Variants in WWC2 observed in about 807,000 individuals in gnomAD.
The protein encoded by WWC2 is protein WWC2.
In WWC2, 101 loss-of-function variants were observed where a neutral mutation model predicts 138.5. The observed-to-expected ratio is 0.73, with a 90% CI of 0.62 to 0.86. WWC2 has a LOEUF of 0.86. Ranked by LOEUF, WWC2 falls within the 40% of genes least tolerant of loss-of-function variation. The pLI, the probability that WWC2 is intolerant of heterozygous loss-of-function variation, is 0.00. For missense variants in WWC2, 1,420 were observed against 1,419.4 expected, an observed-to-expected ratio of 1.00 and a Z score of -0.01; for synonymous variants, 558 against 538.4, an observed-to-expected ratio of 1.04 and a Z score of -0.50.
chr4:183,269,070 G>C lies in WWC2; in HGVS notation c.2307G>C (p.Val769=). 1 of 1,613,928 alleles carries C rather than the reference G, an allele frequency of 6.2e-7. No homozygotes were observed. Among genetic ancestry groups the C allele is most frequent in the Non-Finnish European group, 8.5e-7 (1 of 1,179,884 alleles). The change falls in exon 15 of 23, where the codon GTG becomes GTC. Residue 769 remains valine (V), a synonymous_variant. Coordinates refer to ENST00000403733, the MANE Select transcript of WWC2 (RefSeq NM_024949.6). ...CAGAATCCATTTTATTCAATGATGT[G>C]TTCAGAGTCGCCATTTCCCAAACAG... ...PPTESILFND[V]FRVAISQTAL... is the part of the protein sequence containing the mutation.
intron 16 of WWC2, among the ~76,000 whole-genome samples, chr4:183,276,583 C>G (rs1193292856): frequency 6.6e-6 from 1 of 152,086 alleles, no homozygotes; most frequent in Non-Finnish European, 1.5e-5. Flanking sequence ...TATTCCCTTT[C>G]CTCCTTCTCT....
intron 1 of WWC2, among the ~76,000 whole-genome samples, chr4:183,101,430 G>C (rs1743177654): frequency 6.6e-6 from 1 of 152,174 alleles, no homozygotes; most frequent in African/African-American, 2.4e-5. Context: ...TCATTGGATA[G>C]GGACAAATAG....
chr4:183,182,556 G>A (rs1244084385), intron 1 of WWC2, among the ~76,000 whole-genome samples: 1 of 152,138 alleles, frequency 6.6e-6, no homozygotes, highest in Non-Finnish European at 1.5e-5. Flanking sequence ...AGAAAAAGAG[G>A]TTCAGGTTAA....
chr4:183,179,064 A>G (rs1170653734), intron 1 of WWC2, among the ~76,000 whole-genome samples: 3 of 152,246 alleles, frequency 2.0e-5, no homozygotes, highest in Admixed American at 2.0e-4. Flanking sequence ...CAAAATTTAA[A>G]AAAACTTACT....
intron 4 of WWC2, among the ~76,000 whole-genome samples, chr4:183,237,304 T>C (rs1180002530): frequency 5.3e-5 from 8 of 152,196 alleles, no homozygotes; most frequent in Non-Finnish European, 1.2e-4. Flanking sequence ...ACTGATTTTT[T>C]TTTTTTTTCA....
chr4:183,302,918 G>A (rs961482651), intron 21 of WWC2, among the ~76,000 whole-genome samples: 5 of 152,116 alleles, frequency 3.3e-5, no homozygotes, highest in Admixed American at 6.5e-5. Flanking sequence ...GTAAAAATTA[G>A]CTGGGCATGA....
chr4:183,121,832 C>T (rs557452471), intron 1 of WWC2, among the ~76,000 whole-genome samples: 23 of 146,584 alleles, frequency 1.6e-4, no homozygotes, highest in Non-Finnish European at 2.4e-4. Flanking sequence ...GTTGCCCAGG[C>T]TGGAGTGCGG....
Position 183,099,564 on chromosome 4 carries a change from A to G in WWC2, c.73A>G (p.Lys25Glu). 1.4e-6 allele frequency: 2 copies of G among 1,422,398 alleles called. No homozygotes were observed. The highest frequency in any genetic ancestry group is 1.9e-6 in the Non-Finnish European group (2 of 1,072,054). The allele number at this position is 1,422,398 out of a possible 1,614,324, so 88.1% of individuals were successfully genotyped here. A position where few individuals can be genotyped will look rare whatever the true frequency, so the allele number is the denominator to read the frequency against. Residue 25 changes from lysine to glutamate, a missense_variant, in exon 1 of 23, where the codon AAG becomes GAG. Transcript: ENST00000403733. ...GGAGGAGGCCAGGGACTACGACGGC[A>G]AGGTCTTCTACATTGACCACAACAC... ...GWEEARDYDG[K>E]VFYIDHNTRR...
chr4:183,183,765 A>G (rs1277035242), intron 1 of WWC2, among the ~76,000 whole-genome samples: 1 of 152,118 alleles, frequency 6.6e-6, no homozygotes, highest in Non-Finnish European at 1.5e-5. Flanking sequence ...CCTGGATGTC[A>G]GAGTGAGACC....
In WWC2 at chr4:183,271,214, C is replaced by T. The variant is rs761732317; in HGVS notation, c.2535C>T (p.Asn845=). The change falls in exon 16 of 23, where the codon AAC becomes AAT. Residue 845 remains asparagine, a synonymous_variant. Transcript: ENST00000403733. ...EENEDSVFQP[N]QPLVDSIDLD... ...ATGAGGACTCTGTATTTCAACCAAA[C>T]CAGCCGTTAGTAGATTCTATAGACT... The T allele has an allele frequency of 3.7e-6, 6 of 1,611,904 alleles. No individual in the cohort carries two copies. Among genetic ancestry groups the T allele is most frequent in the Non-Finnish European group, 5.1e-6 (6 of 1,179,178 alleles).
At chr4:183,196,295 A>G (rs1033169784) in intron 2 of WWC2, among the ~76,000 whole-genome samples, 45 of 152,274 alleles carry the variant, frequency 3.0e-4, no homozygotes, top group South Asian at 6.2e-4. Flanking sequence ...TCAAATCCAA[A>G]CAACACTGTA....
chr4:183,128,939 C>T (rs1352726324), intron 1 of WWC2, among the ~76,000 whole-genome samples: 1 of 152,128 alleles, frequency 6.6e-6, no homozygotes, highest in Admixed American at 6.5e-5. Flanking sequence ...GTTAGGCATA[C>T]TAGTAATTGA....
intron 16 of WWC2, among the ~76,000 whole-genome samples, chr4:183,272,886 T>C (rs1737734144): frequency 6.6e-6 from 1 of 152,242 alleles, no homozygotes; most frequent in African/African-American, 2.4e-5. Flanking sequence ...ACTTTTTGGC[T>C]ATTATGAAAA....
At chr4:183,213,221 T>A (rs1735659034) in intron 4 of WWC2, among the ~76,000 whole-genome samples, 1 of 152,222 alleles carries the variant, frequency 6.6e-6, no homozygotes, top group Non-Finnish European at 1.5e-5. Context: ...GGTATCTGTG[T>A]CCGTTTTGAC....
At chr4:183,287,160 G>A (rs142721398) in intron 20 of WWC2, among the ~76,000 whole-genome samples, 2,131 of 152,262 alleles carry the variant, frequency 0.014, 21 homozygotes, top group Middle Eastern at 0.024. Flanking sequence ...AGTAAGAGAT[G>A]CCTGGCCAGG....
chr4:183,106,010 A>C (rs1359962517), intron 1 of WWC2, among the ~76,000 whole-genome samples: 1 of 150,164 alleles, frequency 6.7e-6, no homozygotes, highest in Non-Finnish European at 1.5e-5. Flanking sequence ...CAAGAGTTTT[A>C]TTCTTGTTGC....
intron 4 of WWC2, among the ~76,000 whole-genome samples, chr4:183,239,350 G>C (rs1736541669): frequency 6.6e-6 from 1 of 151,816 alleles, no homozygotes; most frequent in East Asian, 1.9e-4. Flanking sequence ...AAAAACTTAA[G>C]GCTCTAACTT....
At chr4:183,219,386 AG>A (rs1389805770) in intron 4 of WWC2, among the ~76,000 whole-genome samples, 4 of 152,312 alleles carry the variant, frequency 2.6e-5, no homozygotes, top group African/African-American at 4.8e-5. Context: ...GAGTGCCTGC[AG>A]AGCTGTAACA....
chr4:183,285,565 A>T (rs1355403245), intron 19 of WWC2, among the ~76,000 whole-genome samples: 2 of 152,172 alleles, frequency 1.3e-5, no homozygotes, highest in African/African-American at 4.8e-5. Flanking sequence ...GTTCGAGGCC[A>T]GCCTGGCCAA....
Sources: gnomAD v4.1 joint callset for allele counts (sites outside exome capture counted in the v4.1 genomes callset) on GRCh38, gnomAD v4.1.1 for gene constraint, MANE v1.5 for transcripts, NCBI Gene and HGNC (gene_info 2026-07-23, HGNC 2026-07-21) for gene names.